Variants in ANKRD42 observed in about 807,000 individuals in gnomAD.
ANKRD42 encodes ankyrin repeat domain-containing protein 42.
Under a neutral mutation model 51.5 loss-of-function variants are expected in ANKRD42, and 43 were observed. The observed-to-expected ratio is 0.83, with a 90% CI of 0.65 to 1.08. ANKRD42 has a LOEUF of 1.08. Among genes scored for constraint, ANKRD42 ranks in the 50% least tolerant of loss-of-function variants. The pLI is 0.00. For synonymous variants in ANKRD42, 203 were observed against 213.0 expected, an observed-to-expected ratio of 0.95 and a Z score of 0.41; for missense variants, 608 against 629.3, an observed-to-expected ratio of 0.97 and a Z score of 0.36.
chr11:83,215,317 A>G (rs549799668), intron 5 of ANKRD42: 2 of 151,728 alleles, frequency 1.3e-5, no homozygotes, highest in Admixed American at 6.6e-5. Context: ...TTCTAGTTGC[A>G]TGGAGTATCT....
chr11:83,224,921 C>T lies in ANKRD42; in HGVS notation c.653C>T (p.Ala218Val), dbSNP rs77458774. 5,484 of 1,612,936 alleles carry T rather than the reference C, an allele frequency of 3.4e-3. 131 individuals are homozygous for T. In the African/African-American group the frequency reaches 0.06, roughly 18 times the overall value. ...FKFLVSRMSS[A>V]TQVLKAFNDN... is the part of the protein sequence containing the mutation. ...TTCCTAGTCAGTAGAATGAGCAGTG[C>T]GACGCAAGTTTTAAAAGCTTTCAAT... Residue 218 changes from alanine to valine, a missense_variant, in exon 6 of 11, where the codon GCG becomes GTG. Physicochemically the swap from Ala to Val is moderately conservative, Grantham distance 64. Transcript: ENST00000533342.
At chr11:83,236,144 C>T (rs917105199) in intron 7 of ANKRD42, among the ~76,000 whole-genome samples, 1 of 152,136 alleles carries the variant, frequency 6.6e-6, no homozygotes, top group Non-Finnish European at 1.5e-5. Context: ...ACATAAATAA[C>T]CTTTTTGAGT....
At chr11:83,214,152 G>T (rs1862437467) in intron 5 of ANKRD42, 2 of 152,426 alleles carry the variant, frequency 1.3e-5, no homozygotes, top group Admixed American at 6.6e-5. Context: ...GCCTCCCAAA[G>T]TGCTGGGATT....
downstream of ANKRD42, among the ~76,000 whole-genome samples, chr11:83,252,172 G>GTT (rs1262034148): frequency 1.3e-5 from 2 of 152,122 alleles, no homozygotes. Flanking sequence ...AAAATCACTG[G>GTT]TTATCAGAAA....
intron 2 of ANKRD42, among the ~76,000 whole-genome samples, chr11:83,201,840 T>G (rs1436061635): frequency 6.6e-6 from 1 of 152,190 alleles, no homozygotes; most frequent in African/African-American, 2.4e-5. Flanking sequence ...CACTTTTTGA[T>G]GGGGTTGTTT....
Position 83,248,198 on chromosome 11 carries a change from T to G in ANKRD42, c.1578T>G (p.Leu526=). 6.7e-7 allele frequency: 1 copy of G among 1,501,408 alleles called. No individual in the cohort carries two copies. Among genetic ancestry groups the G allele is most frequent in the Non-Finnish European group, 8.9e-7 (1 of 1,128,070 alleles). The allele number at this position is 1,501,408 out of a possible 1,614,324, so 93.0% of individuals were successfully genotyped here. The change falls in exon 11 of 11, where the codon CTT becomes CTG. Residue 526 remains leucine (L), a synonymous_variant. Transcript: ENST00000533342. ...TGGACTTGAATCCTGGCTATAGTCT[T>G]TTTTGATTTGGGCTACTCATTTAAC... ...GSLDLNPGYS[L]F
chr11:83,238,860 G>A (rs1212415949), intron 8 of ANKRD42, among the ~76,000 whole-genome samples: 2 of 151,558 alleles, frequency 1.3e-5, no homozygotes, highest in Admixed American at 1.3e-4. Context: ...CAAAAAATTA[G>A]CCTGGTGTGG....
chr11:83,215,279 T>C (rs1862490133), intron 5 of ANKRD42: 1 of 152,182 alleles, frequency 6.6e-6, no homozygotes, highest in Non-Finnish European at 1.5e-5. Context: ...TTAATATAAA[T>C]ATAGCTACTC....
At chr11:83,214,925 C>T (rs964335561) in intron 5 of ANKRD42, 1 of 152,212 alleles carries the variant, frequency 6.6e-6, no homozygotes, top group African/African-American at 2.4e-5. Flanking sequence ...AATCTACTCT[C>T]TATCTTCATG....
chr11:83,200,992 T>C (rs1008674677), intron 2 of ANKRD42, among the ~76,000 whole-genome samples: 6 of 152,208 alleles, frequency 3.9e-5, no homozygotes, highest in African/African-American at 1.4e-4. Flanking sequence ...CTTTTCTTTT[T>C]TTTTAATACT....
chr11:83,245,195 G>T (rs1008934998), intron 9 of ANKRD42, among the ~76,000 whole-genome samples: 1 of 152,218 alleles, frequency 6.6e-6, no homozygotes, highest in African/African-American at 2.4e-5. Context: ...GAACCGCCAT[G>T]CCTGGTCAAT....
downstream of ANKRD42, among the ~76,000 whole-genome samples, chr11:83,252,846 A>G (rs1222605008): frequency 6.6e-6 from 1 of 151,320 alleles, no homozygotes; most frequent in Non-Finnish European, 1.5e-5. Flanking sequence ...TAAGTATAAT[A>G]TATATTTAGA....
intron 2 of ANKRD42, 108 bp from the exon 3 acceptor site, chr11:83,205,950 A>ATC: frequency 1.2e-6 from 1 of 852,668 alleles, no homozygotes; most frequent in Non-Finnish European, 1.8e-6. Context: ...TTATACATGG[A>ATC]TCTCTCATTC....
chr11:83,253,288 A>G (rs971124042), downstream of ANKRD42, among the ~76,000 whole-genome samples: 15 of 152,062 alleles, frequency 9.9e-5, no homozygotes, highest in African/African-American at 3.6e-4. Flanking sequence ...TTTATACCCT[A>G]CTTTTTTGGG....
rs188662045 is a variant in ANKRD42, at chr11:83,203,583, G to A, written c.223-2475G>A. Among the ~76,000 whole-genome samples, 17 of 151,702 alleles carry A rather than the reference G, an allele frequency of 1.1e-4. No individual in the cohort carries two copies. In the East Asian group the frequency reaches 2.9e-3, roughly 26 times the overall value. On this transcript the variant is annotated intron_variant, in intron 2 of 10. Transcript: ENST00000533342. ...TAATTTTTGTATTTTTAGTAGAGAC[G>A]GAGTTTCATTATGTTGGCCAGGCTC...
chr11:83,229,679 G>A (rs748635224), intron 7 of ANKRD42, among the ~76,000 whole-genome samples: 1 of 152,164 alleles, frequency 6.6e-6, no homozygotes, highest in African/African-American at 2.4e-5. Flanking sequence ...TGGAAGTTGG[G>A]AAGGTGAAAG....
At position 83,213,377 on chromosome 11, in the gene ANKRD42, C is replaced by A; in HGVS notation, c.586+1947C>A. 3 of 1,574,992 alleles carry A rather than the reference C, an allele frequency of 1.9e-6. No homozygotes were observed. The East Asian group carries it at 6.9e-5, about 36-fold the overall frequency. On this transcript the variant is annotated intron_variant, in intron 5 of 10. Coordinates refer to ENST00000533342, the MANE Select transcript of ANKRD42 (RefSeq NM_001300975.2). Reference sequence around the variant, plus strand: ...ATCGGAGTCACACCAACCCCAACGCCAGGCTGCGCAGTGAAGAAAATGAAT... The same window carrying A: ...ATCGGAGTCACACCAACCCCAACGCAAGGCTGCGCAGTGAAGAAAATGAAT...
intron 9 of ANKRD42, 126 bp downstream of exon 9, chr11:83,241,060 AG>A: frequency 8.8e-7 from 1 of 1,139,006 alleles, no homozygotes; most frequent in Non-Finnish European, 1.2e-6. Flanking sequence ...ATATTTTTGG[AG>A]GAACTAGAAC....
chr11:83,203,586 GT>G (rs1277071343), intron 2 of ANKRD42, among the ~76,000 whole-genome samples: 1 of 151,834 alleles, frequency 6.6e-6, no homozygotes, highest in East Asian at 1.9e-4. Flanking sequence ...TAGAGACGGA[GT>G]TTCATTATGT....
Sources: allele counts gnomAD v4.1 joint callset (sites outside exome capture counted in the v4.1 genomes callset), GRCh38; gene constraint gnomAD v4.1.1; transcripts MANE v1.5; gene names NCBI Gene and HGNC (gene_info 2026-07-23, HGNC 2026-07-21).